The following MARK4 variants were observed in gnomAD, a reference collection of about 807,000 sequenced individuals.
MARK4 encodes MAP/microtubule affinity-regulating kinase 4.
In MARK4, 19 loss-of-function variants were observed where a neutral mutation model predicts 81.5. The observed-to-expected ratio is 0.23, with a 90% CI of 0.16 to 0.34. The LOEUF (loss-of-function observed/expected upper bound fraction) is 0.34. MARK4 is among the 10% of genes least tolerant of loss of function. The probability of loss-of-function intolerance (pLI) is 1.00; values close to 1 mark genes in which losing one functional copy is unlikely to be tolerated. For synonymous variants in MARK4, 436 were observed against 439.0 expected, an observed-to-expected ratio of 0.99 and a Z score of 0.08; for missense variants, 772 against 1,058.8, an observed-to-expected ratio of 0.73 and a Z score of 3.76.
chr19:45,270,927 C>T (rs1461838787), intron 7 of MARK4, among the ~76,000 whole-genome samples: 17 of 152,310 alleles, frequency 1.1e-4, no homozygotes, highest in Admixed American at 8.5e-4. Flanking sequence ...TGTGCCACCA[C>T]GCCCAGCTAA....
chr19:45,260,629 G>A (rs1156488947), intron 2 of MARK4, among the ~76,000 whole-genome samples: 11 of 152,178 alleles, frequency 7.2e-5, no homozygotes, highest in East Asian at 5.8e-4. Flanking sequence ...CCCAGGAGGC[G>A]AAGGCCGCAG....
Position 45,297,998 on chromosome 19 carries a change from C to G in MARK4, c.1877+44C>G, listed in dbSNP as rs761386204. The G allele has an allele frequency of 8.4e-6, 13 of 1,548,120 alleles. No individual in the cohort carries two copies. The South Asian group carries it at 1.4e-4, about 17-fold the overall frequency. On this transcript the variant is annotated intron_variant, in intron 15 of 16. Coordinates refer to ENST00000262891, the MANE Select transcript of MARK4 (RefSeq NM_001199867.2). The stretch of plus-strand genomic sequence containing the variant: ...GCAGGGGCAGGGCGGGGCGGGGGGC[C>G]GATGGGACCTAACCTGTCTTCCACT...
At chr19:45,279,675 G>A (rs1429615534) in intron 10 of MARK4, among the ~76,000 whole-genome samples, 1 of 152,070 alleles carries the variant, frequency 6.6e-6, no homozygotes, top group East Asian at 1.9e-4. Flanking sequence ...ATTTTGTATG[G>A]TTTAACCTAA....
chr19:45,252,838 A>G (rs1970261419), intron 1 of MARK4, among the ~76,000 whole-genome samples: 1 of 151,272 alleles, frequency 6.6e-6, no homozygotes, highest in Non-Finnish European at 1.5e-5. Flanking sequence ...TTCCTACCCC[A>G]TACTTCCAGG....
At chr19:45,289,387 A>C (rs1215209308) in intron 13 of MARK4, among the ~76,000 whole-genome samples, 1 of 137,400 alleles carries the variant, frequency 7.3e-6, no homozygotes, top group African/African-American at 2.6e-5. Flanking sequence ...CTCTGTTTCA[A>C]AAAAAAAAAA....
intron 1 of MARK4, among the ~76,000 whole-genome samples, chr19:45,257,788 C>T (rs911730420): frequency 1.2e-4 from 18 of 151,026 alleles, no homozygotes; most frequent in Admixed American, 7.3e-4. Flanking sequence ...CTCCTGGGTT[C>T]ATGCCATTCT....
intron 13 of MARK4, among the ~76,000 whole-genome samples, chr19:45,289,970 C>T (rs1027833960): frequency 2.0e-5 from 3 of 151,728 alleles, no homozygotes; most frequent in East Asian, 1.9e-4. Context: ...GGTGGTGGCA[C>T]GTGCTGGTAG....
At chr19:45,270,431 T>C (rs1420107375) in intron 7 of MARK4, among the ~76,000 whole-genome samples, 2 of 152,146 alleles carry the variant, frequency 1.3e-5, no homozygotes, top group Non-Finnish European at 2.9e-5. Flanking sequence ...CAGGATTAAA[T>C]TATTGCTTTC....
At chr19:45,279,050 C>T (rs1207349295) in intron 10 of MARK4, among the ~76,000 whole-genome samples, 1 of 151,814 alleles carries the variant, frequency 6.6e-6, no homozygotes, top group Non-Finnish European at 1.5e-5. Flanking sequence ...GAGACCCTGT[C>T]TGTACAAAAA....
At chr19:45,277,433 ATTTTT>A (rs35920861) in intron 8 of MARK4, among the ~76,000 whole-genome samples, 2 of 131,872 alleles carry the variant, frequency 1.5e-5, no homozygotes, top group Admixed American at 7.7e-5. Context: ...TGTAGCTTAA[ATTTTT>A]TTTTTTTTTT....
At chr19:45,290,699 TTGACCAGCAGTGTCTGGCCA>T (rs1201434403) in intron 13 of MARK4, among the ~76,000 whole-genome samples, 1 of 152,188 alleles carries the variant, frequency 6.6e-6, no homozygotes, top group Non-Finnish European at 1.5e-5. Flanking sequence ...GTGACAGGCT[TTGACCAGCAGTGTCTGGCCA>T]TGACCAGCAG....
At chr19:45,283,653 T>C (rs111898303) in intron 12 of MARK4, among the ~76,000 whole-genome samples, 2 of 152,326 alleles carry the variant, frequency 1.3e-5, no homozygotes, top group African/African-American at 4.8e-5. Flanking sequence ...ATTGCATAGA[T>C]AGACCACATT....
intron 12 of MARK4, among the ~76,000 whole-genome samples, chr19:45,284,525 T>A (rs1970718039): frequency 6.6e-6 from 1 of 152,056 alleles, no homozygotes. Context: ...GGTTTCACTG[T>A]GTTAGCCAGG....
chr19:45,261,299 C>A (rs1232086612), intron 2 of MARK4, among the ~76,000 whole-genome samples: 2 of 152,148 alleles, frequency 1.3e-5, no homozygotes, highest in Non-Finnish European at 2.9e-5. Context: ...GTATAAAAAT[C>A]TTATACAAAA....
intron 1 of MARK4, among the ~76,000 whole-genome samples, chr19:45,252,015 C>T (rs1970249348): frequency 6.6e-6 from 1 of 151,948 alleles, no homozygotes; most frequent in South Asian, 2.1e-4. Context: ...ATTTGCAGGG[C>T]CCCTGACCCC....
chr19:45,277,101 A>T (rs1341154174), intron 8 of MARK4, among the ~76,000 whole-genome samples: 1 of 151,678 alleles, frequency 6.6e-6, no homozygotes, highest in African/African-American at 2.4e-5. Context: ...TCTGAGACAG[A>T]ATCTCGCCCT....
chr19:45,295,947 T>G (rs1335460940), intron 14 of MARK4, among the ~76,000 whole-genome samples: 2 of 152,148 alleles, frequency 1.3e-5, no homozygotes, highest in East Asian at 3.9e-4. Flanking sequence ...TGAACATTCA[T>G]GAAGCAGCAG....
rs776324603 is a variant in MARK4 at position 45,303,422 on chromosome 19, G to A, written c.*712G>A. On this transcript the variant is annotated 3_prime_UTR_variant, in exon 17 of 17. Transcript: ENST00000262891. ...TGCCCTCACCTGCAAATGAGTTAAA[G>A]AAGAGGCGTGGGAATCCAGGCAGTG... 6.6e-5 allele frequency: 10 copies of A among 152,044 alleles called. No individual in the cohort carries two copies. Among genetic ancestry groups the A allele is most frequent in the Non-Finnish European group, 1.2e-4 (8 of 68,064 alleles). 9.4% of individuals were successfully genotyped at this position (152,044 alleles called of 1,614,324 possible).
chr19:45,263,095 C>T lies in MARK4; in HGVS notation c.253-18C>T, dbSNP rs1251454531. The T allele has an allele frequency of 3.1e-6, 5 of 1,597,716 alleles. No homozygotes were observed. Among genetic ancestry groups the T allele is most frequent in the South Asian group, 2.3e-5 (2 of 88,604 alleles). On this transcript the variant is annotated intron_variant, in intron 2 of 16. Coordinates refer to ENST00000262891, the MANE Select transcript of MARK4 (RefSeq NM_001199867.2). Reference sequence around the variant, plus strand: ...TTGTGGCACCTTGACCGTCCCTCCTCCTTTCCTCCCCCTCTAGGTTGCCAT... The same window carrying T: ...TTGTGGCACCTTGACCGTCCCTCCTTCTTTCCTCCCCCTCTAGGTTGCCAT...
Sources: allele counts gnomAD v4.1 joint callset (sites outside exome capture counted in the v4.1 genomes callset), GRCh38; gene constraint gnomAD v4.1.1; transcripts MANE v1.5; gene names NCBI Gene and HGNC (gene_info 2026-07-23, HGNC 2026-07-21).